The following CDC27 variants were observed in gnomAD, a reference collection of about 807,000 sequenced individuals.
CDC27 encodes cell division cycle 27.
A neutral mutation model predicts 109.7 loss-of-function variants in CDC27; 27 were observed. The observed-to-expected ratio is 0.25, with a 90% CI of 0.18 to 0.34. The LOEUF (loss-of-function observed/expected upper bound fraction) is 0.34, where lower values mean the gene tolerates loss of function less well. Among genes scored for constraint, CDC27 ranks in the 10% least tolerant of loss-of-function variants. The pLI, the probability that CDC27 is intolerant of heterozygous loss-of-function variation, is 1.00. For synonymous variants in CDC27, 266 were observed against 333.9 expected (o/e 0.80, Z 2.22); for missense variants, 579 against 960.2 (o/e 0.60, Z 5.25).
At position 47,157,320 on chromosome 17, in the gene CDC27, C is replaced by T; in HGVS notation, c.540G>A (p.Leu180=). ...FTSLQNFSNC[L]PNSCTTQVPN... The stretch of plus-strand genomic sequence containing the variant: ...GTACTTGTGTTGTGCAAGAGTTGGG[C>T]AGACAGTTGCTAAAGTTCTGTAAAG... The change falls in exon 6 of 19, where the codon CTG becomes CTA. Residue 180 remains leucine (L), a synonymous_variant. Coordinates refer to ENST00000066544, the MANE Select transcript of CDC27 (RefSeq NM_001256.6). The T allele has an allele frequency of 6.2e-7, 1 of 1,612,406 alleles. No individual in the cohort carries two copies. The highest frequency in any genetic ancestry group is 8.5e-7 in the Non-Finnish European group (1 of 1,179,136).
intron 2 of CDC27, among the ~76,000 whole-genome samples, chr17:47,175,297 T>G (rs1012679464): frequency 1.3e-5 from 2 of 152,222 alleles, no homozygotes; most frequent in African/African-American, 2.4e-5. Context: ...TTCACGCTGA[T>G]TTATAATCTA....
rs761147763 is a variant in CDC27 at position 47,129,564 on chromosome 17, T to A, written c.2032-43A>T. 5.4e-6 allele frequency: 8 copies of A among 1,469,750 alleles called. No individual in the cohort carries two copies. The African/African-American group carries it at 9.9e-5, about 18-fold the overall frequency. The allele number at this position is 1,469,750 out of a possible 1,614,324, so 91.0% of individuals were successfully genotyped here. A position where few individuals can be genotyped will look rare whatever the true frequency, so the allele number is the denominator to read the frequency against. ...CATGTTAATACTCCCTCTTGATATT[T>A]ATGAAGAAAGGTGAGAACCAACGTG... On this transcript the variant is annotated intron_variant, in intron 15 of 18. Coordinates refer to ENST00000066544, the MANE Select transcript of CDC27 (RefSeq NM_001256.6).
intron 4 of CDC27, among the ~76,000 whole-genome samples, chr17:47,164,981 A>G (rs534525109): frequency 6.6e-6 from 1 of 152,308 alleles, no homozygotes; most frequent in South Asian, 2.1e-4. Flanking sequence ...AGAAACCCCT[A>G]AATAGTTACA....
intron 2 of CDC27, among the ~76,000 whole-genome samples, chr17:47,173,815 A>G (rs566982739): frequency 2.0e-5 from 3 of 152,372 alleles, no homozygotes; most frequent in African/African-American, 7.2e-5. Flanking sequence ...GAAACTGGCC[A>G]GGCGTGGTGG....
At chr17:47,163,931 T>C (rs910161058) in intron 4 of CDC27, among the ~76,000 whole-genome samples, 5 of 152,108 alleles carry the variant, frequency 3.3e-5, no homozygotes, top group African/African-American at 9.7e-5. Context: ...GCCCAGCTGA[T>C]TTTTGTATTT....
At chr17:47,177,756 C>G (rs2064069497) in intron 2 of CDC27, among the ~76,000 whole-genome samples, 1 of 152,058 alleles carries the variant, frequency 6.6e-6, no homozygotes, top group African/African-American at 2.4e-5. Flanking sequence ...TCCTCTTAGT[C>G]TCATAGAGTT....
chr17:47,179,851 TG>T (rs1440585466), intron 2 of CDC27, among the ~76,000 whole-genome samples: 1 of 152,230 alleles, frequency 6.6e-6, no homozygotes, highest in African/African-American at 2.4e-5. Flanking sequence ...ACCAATTCTA[TG>T]GGAAAATCTA....
At chr17:47,175,043 A>AAGGAAGGAAGGAAGGC (rs2063949603) in intron 2 of CDC27, among the ~76,000 whole-genome samples, 2 of 39,808 alleles carry the variant, frequency 5.0e-5, no homozygotes, top group Non-Finnish European at 1.3e-4. Context: ...GAGAGAGAGG[A>AAGGAAGGAAGGAAGGC]AGGAAGGAAG....
chr17:47,138,921 C>A, intron 12 of CDC27, 30 bp from the exon 13 acceptor site: 1 of 1,422,042 alleles, frequency 7.0e-7, no homozygotes, highest in South Asian at 1.3e-5. Context: ...TAAGAGAAAA[C>A]AAGTTGATAC....
rs886299325 is a variant in CDC27 at position 47,143,976 on chromosome 17, T to A, written c.1077A>T (p.Thr359=). The A allele has an allele frequency of 1.4e-6, 2 of 1,418,136 alleles. No homozygotes were observed. Among genetic ancestry groups the A allele is most frequent in the Non-Finnish European group, 1.9e-6 (2 of 1,072,842 alleles). 87.8% of individuals were successfully genotyped at this position (1,418,136 alleles called of 1,614,324 possible). A position where few individuals can be genotyped will look rare whatever the true frequency, so the allele number is the denominator to read the frequency against. Residue 359 remains threonine (T), a synonymous_variant, in exon 10 of 19, where the codon ACA becomes ACT. Transcript: ENST00000066544. Reference sequence around the variant, plus strand: ...TAATAGTGGGGCTCAATACCTGAGGTGTTGTACTAAAAAAAAATTATAAAG... The same window carrying A: ...TAATAGTGGGGCTCAATACCTGAGGAGTTGTACTAAAAAAAAATTATAAAG... The part of the protein sequence containing the change: ...TQSSGPQTST[T]PQVLSPTITS...
At position 47,122,620 on chromosome 17, in the gene CDC27, C is replaced by T. The variant is rs1264477320; in HGVS notation, c.2236-20G>A. 6.5e-7 allele frequency: 1 copy of T among 1,533,994 alleles called. No homozygotes were observed. The highest frequency in any genetic ancestry group is 1.3e-5 in the South Asian group (1 of 77,246). On this transcript the variant is annotated intron_variant, in intron 17 of 18. Transcript: ENST00000066544. ...GTAAACCTAAAAATAAACAGCAGCA[C>T]TACATTTTTCATTAAGTTGTGAGCT...
intron 16 of CDC27, among the ~76,000 whole-genome samples, chr17:47,127,564 G>A (rs969963849): frequency 1.1e-4 from 17 of 151,752 alleles, no homozygotes; most frequent in African/African-American, 3.6e-4. Flanking sequence ...CACCATGCCC[G>A]GCTAATTTTT....
At chr17:47,153,296 G>A (rs1324951541) in intron 8 of CDC27, among the ~76,000 whole-genome samples, 9 of 152,208 alleles carry the variant, frequency 5.9e-5, no homozygotes, top group Admixed American at 5.9e-4. Context: ...CTAAAATCAT[G>A]TGCCTGCCCA....
At chr17:47,181,859 G>T (rs1304016288) in intron 1 of CDC27, among the ~76,000 whole-genome samples, 4 of 152,132 alleles carry the variant, frequency 2.6e-5, no homozygotes, top group Admixed American at 6.5e-5. Flanking sequence ...TGGACTTTTA[G>T]GCTTCTGTGC....
chr17:47,136,907 T>C (rs922496726), intron 14 of CDC27, among the ~76,000 whole-genome samples: 1 of 152,216 alleles, frequency 6.6e-6, no homozygotes, highest in African/African-American at 2.4e-5. Context: ...CTGCAAAAGT[T>C]TGGTAGAAGG....
intron 3 of CDC27, chr17:47,171,179 T>C (rs2063801567): frequency 6.6e-6 from 1 of 152,206 alleles, no homozygotes; most frequent in East Asian, 1.9e-4. Context: ...TCTTTGAAAT[T>C]TAAAAGTAAT....
chr17:47,188,530 C>A (rs1438448385), intron 1 of CDC27, among the ~76,000 whole-genome samples: 1 of 152,064 alleles, frequency 6.6e-6, no homozygotes, highest in Non-Finnish European at 1.5e-5. Context: ...GCCCTTTCCA[C>A]CTCCTCCCCT....
intron 14 of CDC27, among the ~76,000 whole-genome samples, chr17:47,133,042 CACACACACACACATACATAT>C (rs1289528490): frequency 4.6e-4 from 30 of 65,422 alleles, no homozygotes; most frequent in African/African-American, 1.2e-3. Flanking sequence ...CACACACACA[CACACACACACACATACATAT>C]ACACACACAC....
chr17:47,133,112 T>TATA, intron 14 of CDC27, among the ~76,000 whole-genome samples: 1 of 21,768 alleles, frequency 4.6e-5, no homozygotes, highest in South Asian at 1.3e-3. Context: ...TATACATATA[T>TATA]ATATATATAT....
Sources: gnomAD v4.1 joint callset for allele counts (sites outside exome capture counted in the v4.1 genomes callset) on GRCh38, gnomAD v4.1.1 for gene constraint, MANE v1.5 for transcripts, NCBI Gene and HGNC (gene_info 2026-07-23, HGNC 2026-07-21) for gene names.